RASSF4: variants seen among roughly 807,000 people sequenced by gnomAD.
RASSF4 encodes ras association domain-containing protein 4.
Under a neutral mutation model 41.1 loss-of-function variants are expected in RASSF4, and 38 were observed. The ratio of observed to expected loss-of-function variants is 0.92; its 90% CI spans 0.71 to 1.21. RASSF4 has a LOEUF of 1.21. RASSF4 is among the 50% of genes most tolerant of loss of function. The pLI, the probability that RASSF4 is intolerant of heterozygous loss-of-function variation, is 0.00. For synonymous variants in RASSF4, 179 were observed against 163.4 expected (o/e 1.10, Z -0.73); for missense variants, 414 against 419.4 (o/e 0.99, Z 0.11).
chr10:44,970,623 T>G (rs1841112696), intron 2 of RASSF4: 1 of 209,894 alleles, frequency 4.8e-6, no homozygotes, highest in Admixed American at 5.4e-5. Flanking sequence ...TTCACCTGTT[T>G]CATTTTCCCC....
At chr10:44,979,961 G>A (rs1303493656) in intron 3 of RASSF4, among the ~76,000 whole-genome samples, 5 of 152,128 alleles carry the variant, frequency 3.3e-5, no homozygotes, top group Non-Finnish European at 5.9e-5. Flanking sequence ...AAAGGAGGCT[G>A]CCAAGGATGA....
chr10:44,982,969 C>G (rs760271733), intron 4 of RASSF4: 5 of 644,200 alleles, frequency 7.8e-6, no homozygotes, highest in Non-Finnish European at 1.5e-5. Context: ...CCTATGCAAG[C>G]CGAACATGTC....
chr10:44,971,601 C>T (rs1186674216), intron 2 of RASSF4, 172 bp from the exon 3 acceptor site: 1 of 706,658 alleles, frequency 1.4e-6, no homozygotes, highest in African/African-American at 1.7e-5. Flanking sequence ...TGTGCAGAAC[C>T]ATCCGGGTGC....
chr10:44,989,694 G>C lies in RASSF4; in HGVS notation c.658G>C (p.Ala220Pro), dbSNP rs775288328. ...FRVEDGPSEF[A>P]LYIVHESGER... ...GGTGGAAGATGGCCCCAGTGAGTTC[G>C]CACTCTACATCGTTCACGAGTCTGG... Residue 220 changes from alanine (A) to proline (P), a missense_variant, in exon 8 of 11, where the codon GCA (alanine) becomes CCA (proline). By Grantham distance (27) the Ala-to-Pro change is conservative (BLOSUM62 -1). Coordinates refer to ENST00000340258, the MANE Select transcript of RASSF4 (RefSeq NM_032023.4). 2.5e-6 allele frequency: 4 copies of C among 1,614,154 alleles called. No homozygotes were observed. The highest frequency in any genetic ancestry group is 1.1e-5 in the South Asian group (1 of 91,080).
chr10:44,984,336 A>G, intron 5 of RASSF4: 1 of 578,136 alleles, frequency 1.7e-6, no homozygotes. Flanking sequence ...TGACAGTGAC[A>G]GTGTGGGGGT....
chr10:44,977,311 A>C, intron 3 of RASSF4: 1 of 1,488,242 alleles, frequency 6.7e-7, no homozygotes. Context: ...GAGACCTGCC[A>C]GGGGCAGTGA....
rs1425479501 is a variant in RASSF4, at chr10:44,963,064, G to A, written c.-39+3198G>A. 2.6e-5 allele frequency among the ~76,000 whole-genome samples: 4 copies of A among 152,156 alleles called. No individual in the cohort carries two copies. In the East Asian group the frequency reaches 7.7e-4, roughly 29 times the overall value. The stretch of plus-strand genomic sequence containing the variant: ...GGGAGTAAAGGTGAGCTGGGCCTGT[G>A]TGGTCAGTCCAGGGCAAGGCGGGAG... On this transcript the variant is annotated intron_variant, in intron 1 of 10. Transcript: ENST00000340258.
intron 5 of RASSF4, chr10:44,984,462 C>T: frequency 4.1e-6 from 2 of 489,412 alleles, no homozygotes; most frequent in Non-Finnish European, 7.3e-6. Flanking sequence ...TCTGTACCTG[C>T]TCACTCATCC....
intron 1 of RASSF4, among the ~76,000 whole-genome samples, chr10:44,961,188 G>A (rs1657396739): frequency 6.6e-6 from 1 of 152,240 alleles, no homozygotes; most frequent in Admixed American, 6.5e-5. Flanking sequence ...CTCTCAGTGT[G>A]TAGTGCTGGT....
chr10:44,977,147 T>A, intron 3 of RASSF4: 1 of 441,424 alleles, frequency 2.3e-6, no homozygotes, highest in Non-Finnish European at 4.0e-6. Context: ...AGATGTTAAG[T>A]AAGTTGCTCA....
In RASSF4 at chr10:44,994,633, G is replaced by C. The variant is rs1378080424; in HGVS notation, c.*1304G>C. The C allele has an allele frequency of 6.6e-6, 1 of 151,972 alleles. No individual in the cohort carries two copies. Among genetic ancestry groups the C allele is most frequent in the Non-Finnish European group, 1.5e-5 (1 of 68,042 alleles). 9.4% of individuals were successfully genotyped at this position (151,972 alleles called of 1,614,324 possible). On this transcript the variant is annotated 3_prime_UTR_variant, in exon 11 of 11. Coordinates refer to ENST00000340258, the MANE Select transcript of RASSF4 (RefSeq NM_032023.4). Reference sequence around the variant, plus strand: ...ACACAGAGAGCTGCAGGGGAGGCCTGCCCACTGTTTTGTCGACTCTGCCCT... The same window carrying C: ...ACACAGAGAGCTGCAGGGGAGGCCTCCCCACTGTTTTGTCGACTCTGCCCT...
intron 3 of RASSF4, chr10:44,982,105 G>GCCTGGTGGCCATAGGA: frequency 3.8e-6 from 1 of 263,978 alleles, no homozygotes; most frequent in Non-Finnish European, 7.3e-6. Flanking sequence ...ACCCTGCCGG[G>GCCTGGTGGCCATAGGA]CCTGGTGGCC....
intron 1 of RASSF4, among the ~76,000 whole-genome samples, chr10:44,962,702 G>A (rs1199393606): frequency 6.6e-6 from 1 of 152,242 alleles, no homozygotes; most frequent in African/African-American, 2.4e-5. Context: ...CCATAGCTAA[G>A]AAGATCTTTG....
intron 4 of RASSF4, chr10:44,983,116 T>C: frequency 2.6e-6 from 1 of 379,052 alleles, no homozygotes; most frequent in South Asian, 2.0e-5. Context: ...GAATAATGTT[T>C]CTGTCAGGAG....
At chr10:44,962,390 C>T (rs888075438) in intron 1 of RASSF4, among the ~76,000 whole-genome samples, 2 of 152,250 alleles carry the variant, frequency 1.3e-5, no homozygotes, top group Non-Finnish European at 2.9e-5. Context: ...ATTGCAACAA[C>T]ATGCACATAC....
chr10:44,993,580 C>T lies in RASSF4; in HGVS notation c.*251C>T. On this transcript the variant is annotated 3_prime_UTR_variant, in exon 11 of 11. Coordinates refer to ENST00000340258, the MANE Select transcript of RASSF4 (RefSeq NM_032023.4). Reference sequence around the variant, plus strand: ...TGCTGGGTCAGATCTGTGTGGCCAGCCCTGTCCACACCATGCCTCTCCTGC... The same window carrying T: ...TGCTGGGTCAGATCTGTGTGGCCAGTCCTGTCCACACCATGCCTCTCCTGC... 1.9e-6 allele frequency: 1 copy of T among 539,480 alleles called. No homozygotes were observed. Among genetic ancestry groups the T allele is most frequent in the Non-Finnish European group, 3.4e-6 (1 of 297,402 alleles). 33.4% of individuals were successfully genotyped at this position (539,480 alleles called of 1,614,324 possible). A position where few individuals can be genotyped will look rare whatever the true frequency, so the allele number is the denominator to read the frequency against.
intron 2 of RASSF4, 199 bp from the exon 3 acceptor site, chr10:44,971,573 TG>T (rs1289434829): frequency 1.5e-6 from 1 of 683,612 alleles, no homozygotes; most frequent in Non-Finnish European, 2.7e-6. Context: ...CCGACCCCCA[TG>T]CCCCCCACCA....
At chr10:44,989,975 G>C (rs376464421) in intron 8 of RASSF4, among the ~76,000 whole-genome samples, 1 of 152,226 alleles carries the variant, frequency 6.6e-6, no homozygotes, top group African/African-American at 2.4e-5. Flanking sequence ...AATGTCCTTG[G>C]ATTTTCTAGG....
intron 8 of RASSF4, 81 bp from the exon 9 acceptor site, chr10:44,990,867 A>G (rs1842083879): frequency 6.7e-7 from 1 of 1,487,454 alleles, no homozygotes; most frequent in Non-Finnish European, 9.2e-7. Flanking sequence ...CTAGACGCAC[A>G]TTTTCTATCA....
Sources: allele counts gnomAD v4.1 joint callset (sites outside exome capture counted in the v4.1 genomes callset), GRCh38; gene constraint gnomAD v4.1.1; transcripts MANE v1.5; gene names NCBI Gene and HGNC (gene_info 2026-07-23, HGNC 2026-07-21).